The following GUCY1A2 variants were observed in gnomAD, a reference collection of about 807,000 sequenced individuals.
The protein encoded by GUCY1A2 is guanylate cyclase 1 soluble subunit alpha 2.
In GUCY1A2, 27 loss-of-function variants were observed where a neutral mutation model predicts 63.5. The observed-to-expected ratio is 0.43, with a 90% confidence interval of 0.31 to 0.59. The LOEUF is 0.59. Among genes scored for constraint, GUCY1A2 ranks in the 20% least tolerant of loss-of-function variants. GUCY1A2 has a pLI of 0.11. For missense variants in GUCY1A2, 768 were observed against 913.3 expected (o/e 0.84, Z 2.05); for synonymous variants, 364 against 343.5 (o/e 1.06, Z -0.66).
At chr11:106,909,060 G>A (rs1310131866) in intron 4 of GUCY1A2, among the ~76,000 whole-genome samples, 1 of 151,428 alleles carries the variant, frequency 6.6e-6, no homozygotes, top group Non-Finnish European at 1.5e-5. Flanking sequence ...TGAATGAAAG[G>A]GATAATTTCC....
intron 4 of GUCY1A2, among the ~76,000 whole-genome samples, chr11:106,846,418 G>A (rs1402490959): frequency 6.6e-6 from 1 of 151,382 alleles, no homozygotes; most frequent in African/African-American, 2.4e-5. Context: ...ATCCAAAGTT[G>A]GTGGAAAAAA....
intron 4 of GUCY1A2, among the ~76,000 whole-genome samples, chr11:106,918,735 T>A (rs1318774825): frequency 6.8e-6 from 1 of 146,064 alleles, no homozygotes; most frequent in African/African-American, 2.4e-5. Flanking sequence ...CTTCATCTCA[T>A]GACAAGTAAA....
intron 6 of GUCY1A2, among the ~76,000 whole-genome samples, chr11:106,724,006 G>A (rs1169280133): frequency 6.6e-6 from 1 of 152,162 alleles, no homozygotes; most frequent in African/African-American, 2.4e-5. Context: ...ACTTGCTTAA[G>A]GTATTCCTCC....
intron 7 of GUCY1A2, among the ~76,000 whole-genome samples, chr11:106,706,133 T>C (rs561865035): frequency 2.4e-4 from 37 of 152,290 alleles, no homozygotes; most frequent in East Asian, 7.7e-4. Flanking sequence ...CAAAAAATGA[T>C]TTCAGTTTAT....
intron 4 of GUCY1A2, among the ~76,000 whole-genome samples, chr11:106,901,758 T>G (rs747103977): frequency 2.0e-5 from 3 of 151,926 alleles, no homozygotes; most frequent in Non-Finnish European, 4.4e-5. Context: ...GTTCTTGGGA[T>G]AGTTTGCTGT....
At chr11:106,995,161 T>A (rs760400060) in intron 1 of GUCY1A2, among the ~76,000 whole-genome samples, 1 of 152,166 alleles carries the variant, frequency 6.6e-6, no homozygotes, top group Non-Finnish European at 1.5e-5. Context: ...GTCTTCAAAG[T>A]GTAAAATGGG....
intron 6 of GUCY1A2, among the ~76,000 whole-genome samples, chr11:106,726,659 A>G (rs1239359596): frequency 6.6e-6 from 1 of 152,172 alleles, no homozygotes; most frequent in African/African-American, 2.4e-5. Flanking sequence ...AGACACATGT[A>G]GGAGAAAAAT....
chr11:106,895,126 C>T (rs1256077484), intron 4 of GUCY1A2, among the ~76,000 whole-genome samples: 1 of 152,134 alleles, frequency 6.6e-6, no homozygotes, highest in Non-Finnish European at 1.5e-5. Flanking sequence ...TCTATGCCCA[C>T]AAATTTGATA....
chr11:106,768,205 G>A (rs1864196216), intron 6 of GUCY1A2, among the ~76,000 whole-genome samples: 1 of 152,150 alleles, frequency 6.6e-6, no homozygotes, highest in African/African-American at 2.4e-5. Flanking sequence ...ACAGGCTGGT[G>A]TCTAACTCCT....
intron 4 of GUCY1A2, among the ~76,000 whole-genome samples, chr11:106,869,273 T>C (rs956115039): frequency 6.6e-6 from 1 of 152,026 alleles, no homozygotes; most frequent in East Asian, 1.9e-4. Context: ...CTAATTAAAC[T>C]AAAGAGCTTC....
At chr11:107,010,344 C>G (rs1313181619) in intron 1 of GUCY1A2, among the ~76,000 whole-genome samples, 1 of 152,176 alleles carries the variant, frequency 6.6e-6, no homozygotes, top group East Asian at 1.9e-4. Flanking sequence ...GCAACAGTAG[C>G]CTACTTGTTG....
rs545144561 is a variant in GUCY1A2, at chr11:106,971,798, T to C, written c.487+6821A>G. Among the ~76,000 whole-genome samples the C allele has an allele frequency of 1.7e-4, 26 of 152,262 alleles. No homozygotes were observed. In the South Asian group the frequency reaches 3.9e-3, roughly 23 times the overall value. ...GCAATGAGTACAACCAATGCCCAGG[T>C]CATGGTTTCCAATACCATTCTCCAA... On this transcript the variant is annotated intron_variant, in intron 3 of 7. Transcript: ENST00000526355.
At chr11:106,765,944 G>A (rs996619101) in intron 6 of GUCY1A2, among the ~76,000 whole-genome samples, 2 of 152,100 alleles carry the variant, frequency 1.3e-5, no homozygotes, top group Admixed American at 6.6e-5. Flanking sequence ...TGTAAATTTG[G>A]TCTTGTAACA....
chr11:106,906,086 G>C (rs889615073), intron 4 of GUCY1A2, among the ~76,000 whole-genome samples: 1 of 152,132 alleles, frequency 6.6e-6, no homozygotes, highest in Non-Finnish European at 1.5e-5. Flanking sequence ...AGCTAGAAGT[G>C]ACAAATGGGA....
intron 2 of GUCY1A2, among the ~76,000 whole-genome samples, chr11:106,979,898 T>A (rs1861312543): frequency 6.8e-6 from 1 of 147,974 alleles, no homozygotes; most frequent in Non-Finnish European, 1.5e-5. Flanking sequence ...AGTGAGGAGT[T>A]GGCCTAGGAA....
intron 3 of GUCY1A2, among the ~76,000 whole-genome samples, chr11:106,944,215 C>CAAAAAAAAAAAAAAAAAAAA (rs71041701): frequency 0.025 from 533 of 21,528 alleles, 100 homozygotes; most frequent in African/African-American, 0.05. Context: ...ACCCTGTCTC[C>CAAAAAAAAAAAAAAAAAAAA]AAAAAAAAAA....
intron 6 of GUCY1A2, among the ~76,000 whole-genome samples, chr11:106,760,580 A>G (rs1215438255): frequency 6.6e-6 from 1 of 152,196 alleles, no homozygotes; most frequent in Non-Finnish European, 1.5e-5. Flanking sequence ...TTTTTGACAT[A>G]CTTGAGGATG....
At chr11:106,698,928 T>C (rs373701116) in intron 7 of GUCY1A2, among the ~76,000 whole-genome samples, 38 of 152,172 alleles carry the variant, frequency 2.5e-4, no homozygotes, top group Non-Finnish European at 4.3e-4. Context: ...TTTTGAAATC[T>C]GATGAGAATA....
intron 4 of GUCY1A2, among the ~76,000 whole-genome samples, chr11:106,855,744 A>G (rs77202560): frequency 0.038 from 5,769 of 152,188 alleles, 579 homozygotes; most frequent in East Asian, 0.25. Context: ...CAATTTTATT[A>G]CACTGGCCTA....
Sources: gnomAD v4.1 joint callset for allele counts (sites outside exome capture counted in the v4.1 genomes callset) on GRCh38, gnomAD v4.1.1 for gene constraint, MANE v1.5 for transcripts, NCBI Gene and HGNC (gene_info 2026-07-23, HGNC 2026-07-21) for gene names.